NPEPPS: variants seen among roughly 807,000 people sequenced by gnomAD.
NPEPPS encodes aminopeptidase puromycin sensitive, also known as puromycin-sensitive aminopeptidase.
A neutral mutation model predicts 115.5 loss-of-function variants in NPEPPS; 14 were observed. The observed-to-expected ratio is 0.12, with a 90% CI of 0.08 to 0.19. The LOEUF is 0.19. Ranked by LOEUF, NPEPPS falls within the 10% of genes least tolerant of loss-of-function variation. The probability of loss-of-function intolerance (pLI) is 1.00; values close to 1 mark genes in which losing one functional copy is unlikely to be tolerated. For synonymous variants in NPEPPS, 285 were observed against 390.6 expected, an observed-to-expected ratio of 0.73 and a Z score of 3.19; for missense variants, 523 against 1,110.8, an observed-to-expected ratio of 0.47 and a Z score of 7.52.
intron 2 of NPEPPS, 91 bp downstream of exon 2, chr17:47,546,084 G>GAGAGAA (rs1304567502): frequency 6.6e-7 from 1 of 1,518,400 alleles, no homozygotes; most frequent in Non-Finnish European, 8.9e-7. Flanking sequence ...GAGAGAGAGA[G>GAGAGAA]AGAGAGAGAC....
intron 2 of NPEPPS, among the ~76,000 whole-genome samples, chr17:47,559,102 G>A (rs1394441447): frequency 2.0e-5 from 3 of 150,792 alleles, no homozygotes; most frequent in African/African-American, 7.3e-5. Flanking sequence ...AGAGTGCAGT[G>A]ACAGGATCGC....
chr17:47,568,643 C>A (rs910056172), intron 2 of NPEPPS, among the ~76,000 whole-genome samples: 1 of 151,880 alleles, frequency 6.6e-6, no homozygotes, highest in Non-Finnish European at 1.5e-5. Context: ...TACCTGTTTT[C>A]ATGTAACAAC....
At chr17:47,567,604 C>T (rs1463205716) in intron 2 of NPEPPS, among the ~76,000 whole-genome samples, 3 of 151,782 alleles carry the variant, frequency 2.0e-5, no homozygotes, top group Admixed American at 1.3e-4. Context: ...TACAATTCAG[C>T]GGTTTTTAGT....
chr17:47,535,141 C>G (rs985169572), intron 1 of NPEPPS, among the ~76,000 whole-genome samples: 5 of 137,198 alleles, frequency 3.6e-5, no homozygotes, highest in Middle Eastern at 4.3e-3. Context: ...TGCTCAGGAG[C>G]CTGAGGCAGG....
upstream of NPEPPS, among the ~76,000 whole-genome samples, chr17:47,528,232 G>T (rs1235146718): frequency 6.6e-6 from 1 of 152,006 alleles, no homozygotes; most frequent in African/African-American, 2.4e-5. Flanking sequence ...AACCCATGAG[G>T]TGGAGGTTGC....
chr17:47,598,338 G>A (rs1912998191), intron 13 of NPEPPS, among the ~76,000 whole-genome samples: 1 of 152,114 alleles, frequency 6.6e-6, no homozygotes, highest in Non-Finnish European at 1.5e-5. Flanking sequence ...GCTGGGCATG[G>A]TGGCACGTGC....
rs199810184 is a variant in NPEPPS at position 47,599,694 on chromosome 17, T to A, written c.1555T>A (p.Leu519Met). 6.4e-6 allele frequency: 10 copies of A among 1,562,392 alleles called. No individual in the cohort carries two copies. Reference protein sequence around the residue: ...EAEQVEDDRLLRLSQKKFCAG... With the variant: ...EAEQVEDDRLMRLSQKKFCAG... ...TCTTTAGGTAGAAGATGACAGATTA[T>A]TGAGGTTGTCCCAAAAGAAGTTCTG... The change falls in exon 14 of 23, where the codon TTG becomes ATG. Residue 519 changes from leucine to methionine, a missense_variant. Transcript: ENST00000322157.
chr17:47,523,581 C>T (rs542542551), intron 1 of NPEPPS, among the ~76,000 whole-genome samples: 17 of 152,098 alleles, frequency 1.1e-4, no homozygotes, highest in South Asian at 6.3e-4. Context: ...CCACCACACC[C>T]GGCAAATTTT....
chr17:47,538,823 C>T (rs963465453), intron 1 of NPEPPS, among the ~76,000 whole-genome samples: 41 of 152,142 alleles, frequency 2.7e-4, no homozygotes, highest in African/African-American at 7.7e-4. Flanking sequence ...CCACCGCACC[C>T]GGCCAGCCTG....
intron 2 of NPEPPS, among the ~76,000 whole-genome samples, chr17:47,546,856 C>T (rs1396864016): frequency 2.0e-5 from 3 of 152,104 alleles, no homozygotes; most frequent in Non-Finnish European, 4.4e-5. Flanking sequence ...TTAAATTCTA[C>T]TTCCAAGATT....
intron 14 of NPEPPS, among the ~76,000 whole-genome samples, chr17:47,601,402 A>G (rs1678280211): frequency 6.6e-6 from 1 of 151,990 alleles, no homozygotes; most frequent in Non-Finnish European, 1.5e-5. Flanking sequence ...CTTTTTTTAG[A>G]CAACATGTTG....
intron 17 of NPEPPS, among the ~76,000 whole-genome samples, chr17:47,611,085 C>T (rs903822646): frequency 6.6e-6 from 1 of 151,598 alleles, no homozygotes; most frequent in Non-Finnish European, 1.5e-5. Flanking sequence ...ATCTCCTGAC[C>T]TCATGATCCG....
At chr17:47,531,753 A>G (rs1276618033) in intron 1 of NPEPPS, among the ~76,000 whole-genome samples, 198 bp downstream of exon 1, 2 of 151,170 alleles carry the variant, frequency 1.3e-5, no homozygotes, top group Admixed American at 1.3e-4. Flanking sequence ...CGGGGCAGGG[A>G]CCGTGGCCGG....
In NPEPPS at chr17:47,586,682, A is replaced by G. The variant is rs900331217; in HGVS notation, c.980+284A>G. 5.7e-6 allele frequency: 3 copies of G among 528,614 alleles called. No homozygotes were observed. In the African/African-American group the frequency reaches 5.7e-5, roughly 10 times the overall value. 32.7% of individuals were successfully genotyped at this position (528,614 alleles called of 1,614,324 possible). A position where few individuals can be genotyped will look rare whatever the true frequency, so the allele number is the denominator to read the frequency against. On this transcript the variant is annotated intron_variant, in intron 8 of 22. Transcript: ENST00000322157. ...GCAGTAGTTTCATAGCTATTTATCC[A>G]GCTTGGAGAACCTTCCCTAATTTCA...
In NPEPPS at chr17:47,583,014, T is replaced by C. The variant is rs928835676; in HGVS notation, c.648+165T>C. 1.2e-3 allele frequency among the ~76,000 whole-genome samples: 185 copies of C among 150,592 alleles called. 1 individual carries two copies. The highest frequency in any genetic ancestry group is 1.6e-3 in the Non-Finnish European group (106 of 67,466). Reference sequence around the variant, plus strand: ...TCAATAAGCCTCTTTTTCTTTCTTTTTTTTTTTTTTTTCTGTAGAGTTGGG... The same window carrying C: ...TCAATAAGCCTCTTTTTCTTTCTTTCTTTTTTTTTTTTCTGTAGAGTTGGG... On this transcript the variant is annotated intron_variant, in intron 5 of 22. Coordinates refer to ENST00000322157, the MANE Select transcript of NPEPPS (RefSeq NM_006310.4).
intron 2 of NPEPPS, among the ~76,000 whole-genome samples, chr17:47,555,337 G>A (rs938339494): frequency 7.0e-6 from 1 of 142,974 alleles, no homozygotes; most frequent in Non-Finnish European, 1.5e-5. Context: ...ACATTGTAGT[G>A]TATGCTGTTC....
chr17:47,601,903 C>A, intron 15 of NPEPPS, 156 bp downstream of exon 15: 1 of 715,514 alleles, frequency 1.4e-6, no homozygotes, highest in Non-Finnish European at 2.2e-6. Flanking sequence ...ATTGTCCAGA[C>A]ATTTGTCCTT....
At chr17:47,532,560 G>C (rs1287518501) in intron 1 of NPEPPS, among the ~76,000 whole-genome samples, 3 of 151,246 alleles carry the variant, frequency 2.0e-5, no homozygotes, top group Non-Finnish European at 1.5e-5. Context: ...GGCTAAGGCA[G>C]GAGAATCACT....
At chr17:47,596,236 C>T (rs1912870122) in intron 12 of NPEPPS, 117 bp from the exon 13 acceptor site, 1 of 608,094 alleles carries the variant, frequency 1.6e-6, no homozygotes, top group Non-Finnish European at 2.8e-6. Context: ...TCACTGTTTC[C>T]TGAACCTGAA....
Sources: allele counts gnomAD v4.1 joint callset (sites outside exome capture counted in the v4.1 genomes callset), GRCh38; gene constraint gnomAD v4.1.1; transcripts MANE v1.5; gene names NCBI Gene and HGNC (gene_info 2026-07-23, HGNC 2026-07-21).